AP1G1: variants seen among roughly 807,000 people sequenced by gnomAD.
AP1G1 encodes the protein AP-1 complex subunit gamma-1.
In AP1G1, 7 loss-of-function variants were observed where a neutral mutation model predicts 108.3. That is an observed-to-expected ratio of 0.06 (90% confidence interval 0.04 to 0.12). The LOEUF is 0.12. Among genes scored for constraint, AP1G1 ranks in the 10% least tolerant of loss-of-function variants. The pLI is 1.00. For missense variants in AP1G1, 756 were observed against 1,010.7 expected, an observed-to-expected ratio of 0.75 and a Z score of 3.42; for synonymous variants, 379 against 353.5, an observed-to-expected ratio of 1.07 and a Z score of -0.81.
At chr16:71,758,973 G>T (rs757263100) in intron 10 of AP1G1, 52 bp from the exon 11 acceptor site, 1 of 982,716 alleles carries the variant, frequency 1.0e-6, no homozygotes, top group Admixed American at 2.6e-5. Flanking sequence ...ATTCAGGATA[G>T]TTTTTCTCCG....
chr16:71,772,974 G>C (rs1389679816), intron 4 of AP1G1: 1 of 572,306 alleles, frequency 1.7e-6, no homozygotes, highest in African/African-American at 1.9e-5. Context: ...CTGTAATACT[G>C]TTTAGAATCA....
chr16:71,768,776 G>A (rs942544306), intron 6 of AP1G1, among the ~76,000 whole-genome samples: 13 of 150,246 alleles, frequency 8.7e-5, no homozygotes, highest in Admixed American at 6.6e-4. Context: ...TTAGCCAGGC[G>A]TGGTGCCAGG....
At chr16:71,800,773 C>G (rs1340619505) in intron 1 of AP1G1, among the ~76,000 whole-genome samples, 3 of 152,028 alleles carry the variant, frequency 2.0e-5, no homozygotes, top group African/African-American at 7.2e-5. Context: ...TGCACTCCAG[C>G]CTGGGCAACA....
At position 71,776,113 on chromosome 16, in the gene AP1G1, G is replaced by C. The variant is rs567118845; in HGVS notation, c.202-1521C>G. Among the ~76,000 whole-genome samples the C allele has an allele frequency of 1.4e-3, 220 of 152,280 alleles. 2 individuals are homozygous for C. The highest frequency in any genetic ancestry group is 5.0e-3 in the African/African-American group (209 of 41,544). On this transcript the variant is annotated intron_variant, in intron 2 of 22. Coordinates refer to ENST00000299980, the MANE Select transcript of AP1G1 (RefSeq NM_001128.6). ...AGGGAAGGGGCTCAAATGGATACCT[G>C]TGTATACAGGAAGCTAAAATCACGT...
intron 6 of AP1G1, chr16:71,767,781 T>G (rs2031374844): frequency 8.5e-7 from 1 of 1,173,144 alleles, no homozygotes; most frequent in Non-Finnish European, 1.3e-6. Context: ...GCTTCAGCAT[T>G]AGTATATTTT....
At chr16:71,797,591 G>A (rs1022950428) in intron 1 of AP1G1, among the ~76,000 whole-genome samples, 4 of 151,984 alleles carry the variant, frequency 2.6e-5, no homozygotes, top group Admixed American at 2.6e-4. Flanking sequence ...ATGAGGTCAG[G>A]AGTTCAAGAC....
intron 1 of AP1G1, among the ~76,000 whole-genome samples, chr16:71,800,695 G>A (rs2032764638): frequency 1.3e-5 from 2 of 152,036 alleles, no homozygotes; most frequent in Admixed American, 1.3e-4. Flanking sequence ...CAGCTACTCG[G>A]GAGGCTGACG....
intron 1 of AP1G1, among the ~76,000 whole-genome samples, chr16:71,789,732 GA>G (rs1205041347): frequency 2.0e-5 from 3 of 152,030 alleles, no homozygotes; most frequent in Admixed American, 6.6e-5. Flanking sequence ...ATAAAACAAA[GA>G]ATACACTAAA....
chr16:71,746,083 C>T (rs750990695), intron 17 of AP1G1, among the ~76,000 whole-genome samples: 1 of 151,956 alleles, frequency 6.6e-6, no homozygotes, highest in Admixed American at 6.6e-5. Context: ...GATCTTGGCT[C>T]ACTGAAACAT....
Position 71,764,451 on chromosome 16 carries a change from GA to G in AP1G1, c.820-4del. The G allele has an allele frequency of 6.3e-7, 1 of 1,581,830 alleles. No homozygotes were observed. The highest frequency in any genetic ancestry group is 8.7e-7 in the Non-Finnish European group (1 of 1,154,088). On this transcript the variant is annotated splice_polypyrimidine_tract_variant and splice_region_variant and intron_variant, in intron 8 of 22. Transcript: ENST00000299980. The stretch of plus-strand genomic sequence containing the variant: ...CTAGTCTCAGTATTAGTGGCAACCT[GA>G]AAAGACATATCGAGGGCAGTACATA...
At chr16:71,736,933 G>A (rs8052999) in intron 21 of AP1G1, among the ~76,000 whole-genome samples, 52,296 of 151,614 alleles carry the variant, frequency 0.34, 9,783 homozygotes, top group East Asian at 0.76. Flanking sequence ...TTATCATGTT[G>A]CACTGTACAG....
rs2145428830 is a variant in AP1G1, at chr16:71,745,865, G to C, written c.1731-251C>G. Among the ~76,000 whole-genome samples the C allele has an allele frequency of 1.3e-5, 2 of 152,142 alleles. 1 individual carries two copies. Among genetic ancestry groups the C allele is most frequent in the South Asian group, 4.1e-4 (2 of 4,824 alleles). On this transcript the variant is annotated intron_variant, in intron 17 of 22. Coordinates refer to ENST00000299980, the MANE Select transcript of AP1G1 (RefSeq NM_001128.6). ...CCAAAGCATATATTTCAGTGGTAGAGAGACTGAGATGAAAGAAAGGTAAAT... is the reference window on the plus strand; with the variant it reads ...CCAAAGCATATATTTCAGTGGTAGACAGACTGAGATGAAAGAAAGGTAAAT...
chr16:71,788,538 A>G (rs2032288848), intron 2 of AP1G1, among the ~76,000 whole-genome samples: 1 of 152,212 alleles, frequency 6.6e-6, no homozygotes, highest in Non-Finnish European at 1.5e-5. Flanking sequence ...CAAAGTAACT[A>G]GAACAAAATA....
intron 19 of AP1G1, among the ~76,000 whole-genome samples, chr16:71,742,065 G>A (rs1045432753): frequency 3.9e-5 from 6 of 152,016 alleles, no homozygotes; most frequent in Non-Finnish European, 7.4e-5. Flanking sequence ...AAAACTTAAT[G>A]TAAAAAGTGG....
intron 1 of AP1G1, among the ~76,000 whole-genome samples, chr16:71,795,008 T>A (rs1199905504): frequency 6.6e-6 from 1 of 151,924 alleles, no homozygotes; most frequent in Non-Finnish European, 1.5e-5. Context: ...AAAATATCTT[T>A]AAAAAAATTG....
intron 6 of AP1G1, 170 bp from the exon 7 acceptor site, chr16:71,765,754 G>T: frequency 3.5e-6 from 2 of 566,052 alleles, no homozygotes; most frequent in Non-Finnish European, 3.2e-6. Context: ...AGTAACTTAG[G>T]GCAATATTCA....
intron 1 of AP1G1, among the ~76,000 whole-genome samples, chr16:71,801,879 G>A (rs546616678): frequency 3.6e-5 from 5 of 140,314 alleles, no homozygotes; most frequent in South Asian, 4.3e-4. Context: ...CCGAGATTGC[G>A]CCACTGCACT....
At chr16:71,773,082 T>C (rs745607775) in intron 4 of AP1G1, 139 bp downstream of exon 4, 3 of 898,632 alleles carry the variant, frequency 3.3e-6, no homozygotes, top group South Asian at 1.4e-5. Flanking sequence ...AAGGTTAATA[T>C]ATAATCATGT....
At chr16:71,765,787 G>A (rs2031288223) in intron 6 of AP1G1, 1 of 488,856 alleles carries the variant, frequency 2.0e-6, no homozygotes, top group Non-Finnish European at 3.7e-6. Flanking sequence ...TATTTTATCT[G>A]GATAAAACCA....
Sources: gnomAD v4.1 joint callset for allele counts (sites outside exome capture counted in the v4.1 genomes callset) on GRCh38, gnomAD v4.1.1 for gene constraint, MANE v1.5 for transcripts, NCBI Gene and HGNC (gene_info 2026-07-23, HGNC 2026-07-21) for gene names.